KCNC2: variants seen among roughly 807,000 people sequenced by gnomAD.
KCNC2 encodes the protein voltage-gated potassium channel KCNC2.
KCNC2 carries 21 observed loss-of-function variants against 44.5 expected under a neutral mutation model. The ratio of observed to expected loss-of-function variants is 0.47; its 90% confidence interval spans 0.33 to 0.68. The LOEUF is 0.68. Ranked by LOEUF, KCNC2 falls within the 30% of genes least tolerant of loss-of-function variation. The pLI is 0.01. For synonymous variants in KCNC2, 391 were observed against 339.1 expected (o/e 1.15, Z -1.68); for missense variants, 589 against 826.2 (o/e 0.71, Z 3.52).
At chr12:75,050,311 T>G in intron 3 of KCNC2, 79 bp downstream of exon 3, 3 of 1,046,004 alleles carry the variant, frequency 2.9e-6, no homozygotes, top group Non-Finnish European at 4.3e-6. Flanking sequence ...TTGCAGAAAA[T>G]GAGAATGACT....
chr12:75,159,728 C>T (rs764514500), intron 2 of KCNC2, among the ~76,000 whole-genome samples: 2 of 151,824 alleles, frequency 1.3e-5, no homozygotes, highest in African/African-American at 2.4e-5. Context: ...GGTGTTCAAA[C>T]CACCATTTCC....
At chr12:75,097,326 A>G (rs1886019703) in intron 2 of KCNC2, among the ~76,000 whole-genome samples, 1 of 152,106 alleles carries the variant, frequency 6.6e-6, no homozygotes. Context: ...GTAATTGTGA[A>G]TACCAGTCAT....
intron 2 of KCNC2, among the ~76,000 whole-genome samples, chr12:75,124,265 T>A (rs914803854): frequency 1.3e-5 from 2 of 152,168 alleles, no homozygotes; most frequent in Non-Finnish European, 2.9e-5. Context: ...TTTTTTAAAG[T>A]TAAAAGGCTC....
chr12:75,128,615 A>G (rs1888610606), intron 2 of KCNC2, among the ~76,000 whole-genome samples: 1 of 152,140 alleles, frequency 6.6e-6, no homozygotes, highest in Non-Finnish European at 1.5e-5. Context: ...AAGAAAAGAA[A>G]ATCATACTTA....
intron 2 of KCNC2, 151 bp from the exon 3 acceptor site, chr12:75,051,468 C>T (rs1881164579): frequency 3.5e-6 from 2 of 564,422 alleles, no homozygotes; most frequent in South Asian, 2.5e-5. Flanking sequence ...AAAGAAGATA[C>T]ATGTATGTAA....
intron 2 of KCNC2, among the ~76,000 whole-genome samples, chr12:75,160,701 G>A (rs1166629971): frequency 6.6e-6 from 1 of 151,760 alleles, no homozygotes; most frequent in Admixed American, 6.6e-5. Flanking sequence ...GATGTGCATT[G>A]ATATCCTCTG....
At chr12:75,188,590 G>A (rs369884355) in intron 2 of KCNC2, among the ~76,000 whole-genome samples, 3 of 131,420 alleles carry the variant, frequency 2.3e-5, no homozygotes, top group South Asian at 2.1e-4. Context: ...GGCCGGGCGC[G>A]GTGGCTTACA....
chr12:75,126,949 C>T (rs144475844), intron 2 of KCNC2, among the ~76,000 whole-genome samples: 21 of 152,202 alleles, frequency 1.4e-4, no homozygotes, highest in Admixed American at 2.6e-4. Context: ...GAAAAACTTA[C>T]GTATAATAAT....
chr12:75,192,333 T>C (rs1162658224), intron 2 of KCNC2, among the ~76,000 whole-genome samples: 1 of 152,200 alleles, frequency 6.6e-6, no homozygotes, highest in Non-Finnish European at 1.5e-5. Context: ...CCATCTATTA[T>C]TGTTAGTTAG....
At chr12:75,136,337 T>A (rs1441679820) in intron 2 of KCNC2, among the ~76,000 whole-genome samples, 2 of 150,700 alleles carry the variant, frequency 1.3e-5, no homozygotes, top group African/African-American at 4.9e-5. Flanking sequence ...ATAACAAAAA[T>A]CAGAATAGAA....
At chr12:75,144,581 AAT>A (rs956277804) in intron 2 of KCNC2, among the ~76,000 whole-genome samples, 1 of 151,618 alleles carries the variant, frequency 6.6e-6, no homozygotes. Context: ...CTGTCTGTAA[AAT>A]ATATATATAC....
intron 2 of KCNC2, among the ~76,000 whole-genome samples, chr12:75,059,786 T>A (rs1882124233): frequency 6.6e-6 from 1 of 152,134 alleles, no homozygotes; most frequent in African/African-American, 2.4e-5. Flanking sequence ...TGTAAATAAA[T>A]TTTTTAATAT....
intron 2 of KCNC2, among the ~76,000 whole-genome samples, chr12:75,188,067 G>A (rs1464667887): frequency 6.6e-6 from 1 of 152,144 alleles, no homozygotes; most frequent in Non-Finnish European, 1.5e-5. Flanking sequence ...ATAACGTTTT[G>A]ATGAAAATGC....
intron 2 of KCNC2, among the ~76,000 whole-genome samples, chr12:75,201,447 A>G (rs2031270606): frequency 6.6e-6 from 1 of 151,754 alleles, no homozygotes; most frequent in African/African-American, 2.4e-5. Flanking sequence ...TTTAGATACT[A>G]TCTAGTCCAA....
chr12:75,193,337 A>C (rs2137727621), intron 2 of KCNC2, among the ~76,000 whole-genome samples: 1 of 152,288 alleles, frequency 6.6e-6, no homozygotes, highest in Admixed American at 6.5e-5. Context: ...AAGTGGAGTA[A>C]TGTAATTCAA....
intron 2 of KCNC2, among the ~76,000 whole-genome samples, chr12:75,071,754 A>G (rs1883426481): frequency 6.6e-6 from 1 of 151,928 alleles, no homozygotes; most frequent in Non-Finnish European, 1.5e-5. Context: ...GTTTGAGACC[A>G]GCCTGACCAA....
In KCNC2 at chr12:75,040,279, T is replaced by C. The variant is rs570370801; in HGVS notation, c.*2826A>G. The C allele has an allele frequency of 2.6e-5, 4 of 152,092 alleles. No homozygotes were observed. In the East Asian group the frequency reaches 5.8e-4, roughly 22 times the overall value. The allele number at this position is 152,092 out of a possible 1,614,324, so 9.4% of individuals were successfully genotyped here. Reference sequence around the variant, plus strand: ...CAGAATCCCAGGGGAACTAATAGACTCTGAAAATATTGATTAAGCAAGATG... The same window carrying C: ...CAGAATCCCAGGGGAACTAATAGACCCTGAAAATATTGATTAAGCAAGATG... On this transcript the variant is annotated 3_prime_UTR_variant, in exon 5 of 5. Transcript: ENST00000549446.
intron 2 of KCNC2, among the ~76,000 whole-genome samples, chr12:75,111,900 G>A (rs779808283): frequency 4.6e-5 from 7 of 151,726 alleles, no homozygotes; most frequent in Non-Finnish European, 1.0e-4. Flanking sequence ...AGTGTTGTGT[G>A]AAAAATTCAA....
chr12:75,089,338 A>G (rs1463911794), intron 2 of KCNC2, among the ~76,000 whole-genome samples: 2 of 151,834 alleles, frequency 1.3e-5, no homozygotes, highest in African/African-American at 4.8e-5. Context: ...TTGTATCCTC[A>G]ATATTCACTA....
Sources: gnomAD v4.1 joint callset for allele counts (sites outside exome capture counted in the v4.1 genomes callset) on GRCh38, gnomAD v4.1.1 for gene constraint, MANE v1.5 for transcripts, NCBI Gene and HGNC (gene_info 2026-07-23, HGNC 2026-07-21) for gene names.